The following NPTX2 variants were observed in gnomAD, a reference collection of about 807,000 sequenced individuals.
NPTX2 encodes the protein neuronal pentraxin 2.
Under a neutral mutation model 38.1 loss-of-function variants are expected in NPTX2, and 23 were observed. The ratio of observed to expected loss-of-function variants is 0.60; its 90% CI spans 0.43 to 0.85. NPTX2 has a LOEUF of 0.85. NPTX2 is among the 40% of genes least tolerant of loss of function. The pLI is 0.00. For synonymous variants in NPTX2, 291 were observed against 287.3 expected (o/e 1.01, Z -0.13); for missense variants, 553 against 615.3 (o/e 0.90, Z 1.07).
At chr7:98,626,556 T>A (rs1220877764) in intron 3 of NPTX2, among the ~76,000 whole-genome samples, 1 of 152,306 alleles carries the variant, frequency 6.6e-6, no homozygotes, top group East Asian at 1.9e-4. Context: ...AAACATCGAA[T>A]TCCTGGGAGG....
chr7:98,617,631 A>T lies in NPTX2; in HGVS notation c.170A>T (p.Glu57Val). The change falls in exon 1 of 5, where the codon GAG (glutamate) becomes GTG (valine). Residue 57 changes from glutamate to valine, a missense_variant. Transcript: ENST00000265634. ...CAGGGCGGCGCGCAGAGTCCCGAGG[A>T]GGAGCTGAGGGCCGCGGTGCTGCAG... is the stretch of plus-strand genomic sequence containing the variant. Reference protein sequence around the residue: ...PMQGGAQSPEEELRAAVLQLR... With the variant: ...PMQGGAQSPEVELRAAVLQLR... 1 of 1,490,116 alleles carries T rather than the reference A, an allele frequency of 6.7e-7. No homozygotes were observed. Among genetic ancestry groups the T allele is most frequent in the Middle Eastern group, 2.4e-4 (1 of 4,230 alleles). The allele number at this position is 1,490,116 out of a possible 1,614,324, so 92.3% of individuals were successfully genotyped here.
At chr7:98,617,961 A>G (rs1042007446) in intron 1 of NPTX2, 74 bp downstream of exon 1, 2 of 1,461,520 alleles carry the variant, frequency 1.4e-6, no homozygotes, top group East Asian at 5.2e-5. Flanking sequence ...ACTCGGGAGG[A>G]TGGGGAAAGG....
rs982662437 is a variant in NPTX2, at chr7:98,617,314, T to C, written c.-148T>C. On this transcript the variant is annotated 5_prime_UTR_variant, in exon 1 of 5. Coordinates refer to ENST00000265634, the MANE Select transcript of NPTX2 (RefSeq NM_002523.3). ...TGCCGAGCAGCGCGGTGGGTGCGGC[T>C]GTGAGACGGCAGGAGACTTCTGCCC... 8.1e-5 allele frequency: 23 copies of C among 283,428 alleles called. No homozygotes were observed. The highest frequency in any genetic ancestry group is 1.1e-4 in the African/African-American group (5 of 44,816). The allele number at this position is 283,428 out of a possible 1,614,324, so 17.6% of individuals were successfully genotyped here. A position where few individuals can be genotyped will look rare whatever the true frequency, so the allele number is the denominator to read the frequency against.
chr7:98,617,954 C>T lies in NPTX2; in HGVS notation c.426+67C>T, dbSNP rs1278411387. On this transcript the variant is annotated intron_variant, in intron 1 of 4. Transcript: ENST00000265634. ...GCTCCCGAGTCGGGGGCGGAAGACT[C>T]GGGAGGATGGGGAAAGGGGGCCTGG... The T allele has an allele frequency of 5.4e-6, 8 of 1,484,300 alleles. No individual in the cohort carries two copies. The Admixed American group carries it at 1.5e-4, about 28-fold the overall frequency. 91.9% of individuals were successfully genotyped at this position (1,484,300 alleles called of 1,614,324 possible).
intron 2 of NPTX2, among the ~76,000 whole-genome samples, chr7:98,621,721 C>T (rs1461115623): frequency 6.6e-6 from 1 of 152,218 alleles, no homozygotes; most frequent in African/African-American, 2.4e-5. Flanking sequence ...CCTTAGGGAC[C>T]AGATGCTTGG....
intron 1 of NPTX2, among the ~76,000 whole-genome samples, chr7:98,618,708 C>T (rs1055479158): frequency 1.3e-5 from 2 of 151,544 alleles, no homozygotes; most frequent in African/African-American, 4.9e-5. Flanking sequence ...TTAGGCTCCA[C>T]CCTTTTTAAG....
Position 98,628,476 on chromosome 7 carries a change from C to G in NPTX2, c.1143C>G (p.Arg381=). ...TCAGCCAGTTCAACATATGGGACCG[C>G]GTCCTTCGCGCACAAGAAATTGTCA... ...GELSQFNIWD[R]VLRAQEIVNI... Residue 381 remains arginine, a synonymous_variant, in exon 5 of 5, where the codon CGC becomes CGG. Coordinates refer to ENST00000265634, the MANE Select transcript of NPTX2 (RefSeq NM_002523.3). 6.2e-7 allele frequency: 1 copy of G among 1,611,424 alleles called. No individual in the cohort carries two copies. The highest frequency in any genetic ancestry group is 8.5e-7 in the Non-Finnish European group (1 of 1,178,182).
At chr7:98,617,945 C>G (rs1283970324) in intron 1 of NPTX2, 58 bp downstream of exon 1, 119 of 1,498,702 alleles carry the variant, frequency 7.9e-5, no homozygotes, top group Non-Finnish European at 1.0e-4. Flanking sequence ...GAGTCGGGGG[C>G]GGAAGACTCG....
At chr7:98,618,009 G>A (rs1261188202) in intron 1 of NPTX2, 122 bp downstream of exon 1, 1 of 1,022,936 alleles carries the variant, frequency 9.8e-7, no homozygotes, top group Non-Finnish European at 1.4e-6. Flanking sequence ...GTCCGTGGGG[G>A]TGAGCTGGAC....
Position 98,628,409 on chromosome 7 carries a change from T to TG in NPTX2, c.1082dup (p.Arg362Ter). On this transcript the variant is annotated frameshift_variant, in exon 5 of 5. Transcript: ENST00000265634. LOFTEE classifies it high-confidence loss of function. ...CTTGTTCCCATTCCCCAGGACACCG[T>TG]GGGGGGTAGGTTTGATGCCACTCAG... 3 of 1,575,740 alleles carry TG rather than the reference T, an allele frequency of 1.9e-6. No homozygotes were observed. Among genetic ancestry groups the TG allele is most frequent in the Non-Finnish European group, 2.6e-6 (3 of 1,147,878 alleles).
rs1272384833 is a variant in NPTX2 at position 98,628,635 on chromosome 7, T to C, written c.*6T>C. Reference sequence around the variant, plus strand: ...AGCGTCTCCTTGACTTGTAGCCGCCTTCTCCTCTGTCCAGGAGGCCGGGAT... The same window carrying C: ...AGCGTCTCCTTGACTTGTAGCCGCCCTCTCCTCTGTCCAGGAGGCCGGGAT... On this transcript the variant is annotated 3_prime_UTR_variant, in exon 5 of 5. Transcript: ENST00000265634. The C allele has an allele frequency of 5.6e-6, 8 of 1,418,392 alleles. No homozygotes were observed. In the Admixed American group the frequency reaches 9.8e-5, roughly 17 times the overall value. The allele number at this position is 1,418,392 out of a possible 1,614,324, so 87.9% of individuals were successfully genotyped here.
chr7:98,619,993 T>G, intron 2 of NPTX2, 134 bp downstream of exon 2: 1 of 753,776 alleles, frequency 1.3e-6, no homozygotes, highest in Non-Finnish European at 2.2e-6. Context: ...TGTGAGCAAA[T>G]AATAAAGGCG....
chr7:98,622,854 C>T (rs1232002309), intron 2 of NPTX2, among the ~76,000 whole-genome samples: 2 of 152,174 alleles, frequency 1.3e-5, no homozygotes, highest in Non-Finnish European at 2.9e-5. Context: ...TGAGTACATG[C>T]AACACGTGAA....
chr7:98,619,690 C>T lies in NPTX2; in HGVS notation c.474C>T (p.Phe158=). The part of the protein sequence containing the change: ...NVSNAGLPGD[F]REVLQQRLGE... ...CCAATGCTGGGCTGCCCGGCGACTT[C>T]CGCGAGGTGCTCCAGCAGCGGCTGG... Residue 158 remains phenylalanine, a synonymous_variant, in exon 2 of 5, where the codon TTC becomes TTT. Coordinates refer to ENST00000265634, the MANE Select transcript of NPTX2 (RefSeq NM_002523.3). 6.2e-7 allele frequency: 1 copy of T among 1,613,442 alleles called. No homozygotes were observed. Among genetic ancestry groups the T allele is most frequent in the Middle Eastern group, 1.6e-4 (1 of 6,062 alleles).
Position 98,619,717 on chromosome 7 carries a change from G to A in NPTX2, c.501G>A (p.Gly167=), listed in dbSNP as rs1224698159. The part of the protein sequence containing the change: ...DFREVLQQRL[G]ELERQLLRKV... The stretch of plus-strand genomic sequence containing the variant: ...GCGAGGTGCTCCAGCAGCGGCTGGG[G>A]GAGCTGGAGAGGCAGCTTCTGCGCA... The change falls in exon 2 of 5, where the codon GGG becomes GGA. Residue 167 remains glycine (G), a synonymous_variant. Transcript: ENST00000265634. 8 of 1,613,396 alleles carry A rather than the reference G, an allele frequency of 5.0e-6. No homozygotes were observed. Among genetic ancestry groups the A allele is most frequent in the East Asian group, 2.2e-5 (1 of 44,880 alleles).
At position 98,628,632 on chromosome 7, in the gene NPTX2, G is replaced by T. The variant is rs201609959; in HGVS notation, c.*3G>T. ...AGGAGCGTCTCCTTGACTTGTAGCCGCCTTCTCCTCTGTCCAGGAGGCCGG... is the reference window on the plus strand; with the variant it reads ...AGGAGCGTCTCCTTGACTTGTAGCCTCCTTCTCCTCTGTCCAGGAGGCCGG... On this transcript the variant is annotated 3_prime_UTR_variant, in exon 5 of 5. Transcript: ENST00000265634. 6.9e-7 allele frequency: 1 copy of T among 1,447,338 alleles called. No homozygotes were observed. The highest frequency in any genetic ancestry group is 1.9e-5 in the Admixed American group (1 of 51,684). 89.7% of individuals were successfully genotyped at this position (1,447,338 alleles called of 1,614,324 possible). A position where few individuals can be genotyped will look rare whatever the true frequency, so the allele number is the denominator to read the frequency against.
rs1172767592 is a variant in NPTX2, at chr7:98,625,101, C to A, written c.823C>A (p.Gln275Lys). The A allele has an allele frequency of 1.9e-6, 3 of 1,612,154 alleles. No homozygotes were observed. Among genetic ancestry groups the A allele is most frequent in the South Asian group, 1.1e-5 (1 of 91,076 alleles). The change falls in exon 3 of 5, where the codon CAG becomes AAG. Residue 275 changes from glutamine to lysine, a missense_variant. Gln to Lys is a moderately conservative substitution (Grantham distance 53). Transcript: ENST00000265634. The stretch of plus-strand genomic sequence containing the variant: ...CCCCTTCTCCTATGCGGTGCCAGGG[C>A]AGGCCAACGAGATCGTGCTGATCGA... ...GTPFSYAVPGQANEIVLIEWG... is the reference protein window; with the variant it reads ...GTPFSYAVPGKANEIVLIEWG...
At chr7:98,625,237 C>G in intron 3 of NPTX2, 71 bp downstream of exon 3, 1 of 1,522,780 alleles carries the variant, frequency 6.6e-7, no homozygotes. Context: ...GCCCCCACCC[C>G]AGCCGTCCTC....
chr7:98,622,639 A>G (rs1413507267), intron 2 of NPTX2, among the ~76,000 whole-genome samples: 1 of 152,222 alleles, frequency 6.6e-6, no homozygotes, highest in African/African-American at 2.4e-5. Context: ...ATGGGGGAGT[A>G]GGGACACTCT....
Sources: allele counts gnomAD v4.1 joint callset (sites outside exome capture counted in the v4.1 genomes callset), GRCh38; gene constraint gnomAD v4.1.1; transcripts MANE v1.5; gene names NCBI Gene and HGNC (gene_info 2026-07-23, HGNC 2026-07-21).